FAIM: variants seen among roughly 807,000 people sequenced by gnomAD.
FAIM encodes the protein Fas apoptotic inhibitory molecule.
FAIM carries 14 observed loss-of-function variants against 21.2 expected under a neutral mutation model. That is an observed-to-expected ratio of 0.66 (90% CI 0.44 to 1.03). FAIM has a LOEUF of 1.03. FAIM is among the 50% of genes least tolerant of loss of function. The pLI is 0.00. For missense variants in FAIM, 222 were observed against 247.1 expected (o/e 0.90, Z 0.68); for synonymous variants, 86 against 80.4 (o/e 1.07, Z -0.37).
Position 138,611,143 on chromosome 3 carries a change from G to C in FAIM, c.-17+2206G>C. ...TTTATTAAATTGAATTTGTAACTTA[G>C]AGATCTATGTGACAGATATTTCTGA... is the stretch of plus-strand genomic sequence containing the variant. On this transcript the variant is annotated intron_variant, in intron 1 of 5. Transcript: ENST00000360570. 6.7e-6 allele frequency: 6 copies of C among 899,278 alleles called. No homozygotes were observed. The Admixed American group carries it at 1.0e-4, about 15-fold the overall frequency. The allele number at this position is 899,278 out of a possible 1,614,324, so 55.7% of individuals were successfully genotyped here.
chr3:138,615,617 T>C (rs1229262610), intron 1 of FAIM, among the ~76,000 whole-genome samples: 2 of 152,336 alleles, frequency 1.3e-5, no homozygotes, highest in East Asian at 3.9e-4. Context: ...TCTATTTTAT[T>C]TCATGTTTCC....
intron 4 of FAIM, among the ~76,000 whole-genome samples, chr3:138,626,100 G>A (rs2042936608): frequency 1.3e-5 from 2 of 152,124 alleles, no homozygotes; most frequent in Non-Finnish European, 2.9e-5. Flanking sequence ...ACCTGCTCAG[G>A]ACTCACCTGG....
At position 138,632,941 on chromosome 3, in the gene FAIM, AGAT is replaced by A. The variant is rs1263578775; in HGVS notation, c.473_475del (p.Asp158del). 1.9e-6 allele frequency: 3 copies of A among 1,612,722 alleles called. No individual in the cohort carries two copies. The East Asian group carries it at 6.7e-5, about 36-fold the overall frequency. ...TTTTGTTGCTCCAGGGTGAGTTTGT[AGAT>A]GATGGGACTGAAACTCACTTCAGTA... On this transcript the variant is annotated inframe_deletion, in exon 6 of 6. Transcript: ENST00000360570.
chr3:138,619,753 C>A lies in FAIM; in HGVS notation c.27C>A (p.Ile9=). The change falls in exon 2 of 6, where the codon ATC becomes ATA. Residue 9 remains isoleucine, a synonymous_variant. Coordinates refer to ENST00000360570, the MANE Select transcript of FAIM (RefSeq NM_001033031.2). MASGDDSP[I]FEDDESPPYS... ...TGGCATCTGGAGATGACAGTCCTAT[C>A]TTTGAAGATGATGAAAGGTAAATGT... is the stretch of plus-strand genomic sequence containing the variant. 1.2e-6 allele frequency: 2 copies of A among 1,613,658 alleles called. No homozygotes were observed. Among genetic ancestry groups the A allele is most frequent in the Non-Finnish European group, 1.7e-6 (2 of 1,179,802 alleles).
chr3:138,625,268 G>C (rs139150145), intron 4 of FAIM, among the ~76,000 whole-genome samples: 149 of 152,224 alleles, frequency 9.8e-4, no homozygotes, highest in African/African-American at 3.5e-3. Flanking sequence ...TTCGAGACCA[G>C]CCTGACCAAC....
rs113869910 is a variant in FAIM, at chr3:138,622,045, G to A, written c.178-143G>A. On this transcript the variant is annotated intron_variant, in intron 3 of 5. Coordinates refer to ENST00000360570, the MANE Select transcript of FAIM (RefSeq NM_001033031.2). ...TCCGCCCGCCTCAGCCTCCCAAAGC[G>A]CTGGGATTACAGGCATGAGCCACCA... is the stretch of plus-strand genomic sequence containing the variant. 1,207 of 671,724 alleles carry A rather than the reference G, an allele frequency of 1.8e-3. 6 individuals carry two copies. In the African/African-American group the frequency reaches 0.019, roughly 11 times the overall value. 41.6% of individuals were successfully genotyped at this position (671,724 alleles called of 1,614,324 possible).
At position 138,621,531 on chromosome 3, in the gene FAIM, G is replaced by C. The variant is rs1481893747; in HGVS notation, c.169G>C (p.Asp57His). ...TTSGKRVVYV[D>H]GKEEIRKEWM... ...ATCAGGCAAACGAGTAGTATATGTA[G>C]ATGGAAAGGTAGGAAGAAAATATGT... Residue 57 changes from aspartate (D) to histidine (H), a missense_variant, in exon 3 of 6, where the codon GAT (aspartate) becomes CAT (histidine). By Grantham distance (81) the Asp-to-His change is moderately conservative. Coordinates refer to ENST00000360570, the MANE Select transcript of FAIM (RefSeq NM_001033031.2). The C allele has an allele frequency of 6.2e-7, 1 of 1,611,698 alleles. No individual in the cohort carries two copies. Among genetic ancestry groups the C allele is most frequent in the Non-Finnish European group, 8.5e-7 (1 of 1,179,368 alleles).
chr3:138,609,832 T>G (rs549330263), intron 1 of FAIM, among the ~76,000 whole-genome samples: 3 of 152,260 alleles, frequency 2.0e-5, no homozygotes, highest in Admixed American at 1.3e-4. Flanking sequence ...TGATCATTTC[T>G]GTAGAAAGAA....
rs188274350 is a variant in FAIM at position 138,628,821 on chromosome 3, A to G, written c.407-286A>G. Among the ~76,000 whole-genome samples the G allele has an allele frequency of 1.8e-4, 27 of 152,244 alleles. No homozygotes were observed. In the East Asian group the frequency reaches 4.8e-3, roughly 27 times the overall value. Reference sequence around the variant, plus strand: ...CTTTAAAGATTGTCCTTTTGGATTCATTTTGTTTCATAAGGCTTCATCAAT... The same window carrying G: ...CTTTAAAGATTGTCCTTTTGGATTCGTTTTGTTTCATAAGGCTTCATCAAT... On this transcript the variant is annotated intron_variant, in intron 4 of 5. Coordinates refer to ENST00000360570, the MANE Select transcript of FAIM (RefSeq NM_001033031.2).
chr3:138,612,172 C>T (rs922229950), intron 1 of FAIM, among the ~76,000 whole-genome samples: 3 of 147,812 alleles, frequency 2.0e-5, no homozygotes, highest in African/African-American at 7.7e-5. Context: ...GCGATCTCAG[C>T]TCACTGCAAG....
rs909975446 is a variant in FAIM at position 138,624,458 on chromosome 3, C to A, written c.406+2042C>A. Reference sequence around the variant, plus strand: ...TTTTCTGCTTTTACTCCTTGTCTGCCTTTACTCTTCTTTATCCATTTGCAA... The same window carrying A: ...TTTTCTGCTTTTACTCCTTGTCTGCATTTACTCTTCTTTATCCATTTGCAA... On this transcript the variant is annotated intron_variant, in intron 4 of 5. Coordinates refer to ENST00000360570, the MANE Select transcript of FAIM (RefSeq NM_001033031.2). Among the ~76,000 whole-genome samples the A allele has an allele frequency of 2.6e-5, 4 of 152,266 alleles. No homozygotes were observed. In the South Asian group the frequency reaches 6.2e-4, roughly 24 times the overall value.
intron 4 of FAIM, among the ~76,000 whole-genome samples, chr3:138,626,706 G>C (rs1227574033): frequency 1.3e-5 from 2 of 152,128 alleles, no homozygotes; most frequent in African/African-American, 4.8e-5. Context: ...ACACATTTCT[G>C]GAAGTAGGAA....
At chr3:138,616,695 C>T (rs57764595) in intron 1 of FAIM, among the ~76,000 whole-genome samples, 2,488 of 152,006 alleles carry the variant, frequency 0.016, 33 homozygotes, top group South Asian at 0.06. Context: ...TAATTATTAA[C>T]CATTTATAAA....
Position 138,621,639 on chromosome 3 carries a change from TGTA to T in FAIM, c.177+103_177+105del, listed in dbSNP as rs1385057553. The T allele has an allele frequency of 8.6e-6, 9 of 1,052,258 alleles. No homozygotes were observed. In the East Asian group the frequency reaches 1.0e-4, roughly 12 times the overall value. 65.2% of individuals were successfully genotyped at this position (1,052,258 alleles called of 1,614,324 possible). On this transcript the variant is annotated intron_variant, in intron 3 of 5. Coordinates refer to ENST00000360570, the MANE Select transcript of FAIM (RefSeq NM_001033031.2). ...ATGTGAATTCAGGGCTTTTTTTTCT[TGTA>T]GTCATGTTTTTGATCTGTATCATTT...
At chr3:138,610,041 G>A (rs1486091287) in intron 1 of FAIM, among the ~76,000 whole-genome samples, 1 of 152,168 alleles carries the variant, frequency 6.6e-6, no homozygotes, top group African/African-American at 2.4e-5. Flanking sequence ...GGGCCGGCCC[G>A]GAGATGAAGA....
chr3:138,628,318 T>C (rs1314023449), intron 4 of FAIM, among the ~76,000 whole-genome samples: 1 of 152,074 alleles, frequency 6.6e-6, no homozygotes, highest in Non-Finnish European at 1.5e-5. Context: ...CTATCCTATA[T>C]AAATCCCGTG....
Position 138,621,400 on chromosome 3 carries a change from C to G in FAIM, c.45-7C>G. ...CCTACTATAATTGCTTTATTTTATT[C>G]CTTTAGCCCTCCTTACAGCCTAGAA... On this transcript the variant is annotated splice_polypyrimidine_tract_variant and splice_region_variant and intron_variant, in intron 2 of 5. Coordinates refer to ENST00000360570, the MANE Select transcript of FAIM (RefSeq NM_001033031.2). The G allele has an allele frequency of 6.2e-7, 1 of 1,613,206 alleles. No homozygotes were observed. Among genetic ancestry groups the G allele is most frequent in the Non-Finnish European group, 8.5e-7 (1 of 1,179,694 alleles).
chr3:138,610,951 C>A, intron 1 of FAIM: 3 of 1,612,600 alleles, frequency 1.9e-6, no homozygotes, highest in South Asian at 2.2e-5. Flanking sequence ...ATGGCCCATT[C>A]TATCCTATGC....
chr3:138,614,669 G>C (rs114791468), intron 1 of FAIM, among the ~76,000 whole-genome samples: 21 of 152,088 alleles, frequency 1.4e-4, no homozygotes, highest in African/African-American at 5.1e-4. Flanking sequence ...GACCAGGTGC[G>C]GTGACTCATG....
Sources: allele counts gnomAD v4.1 joint callset (sites outside exome capture counted in the v4.1 genomes callset), GRCh38; gene constraint gnomAD v4.1.1; transcripts MANE v1.5; gene names NCBI Gene and HGNC (gene_info 2026-07-23, HGNC 2026-07-21).